FSTL4: variants seen among roughly 807,000 people sequenced by gnomAD.
FSTL4 encodes follistatin-related protein 4.
FSTL4 carries 28 observed loss-of-function variants against 78.2 expected under a neutral mutation model. That is an observed-to-expected ratio of 0.36 (90% CI 0.27 to 0.49). The LOEUF (loss-of-function observed/expected upper bound fraction) is 0.49, where lower values mean the gene tolerates loss of function less well. Among genes scored for constraint, FSTL4 ranks in the 20% least tolerant of loss-of-function variants. The pLI is 0.98. For missense variants in FSTL4, 922 were observed against 1,084.9 expected, an observed-to-expected ratio of 0.85 and a Z score of 2.11; for synonymous variants, 422 against 440.5, an observed-to-expected ratio of 0.96 and a Z score of 0.53.
At chr5:133,418,663 T>C (rs1305256551) in intron 3 of FSTL4, among the ~76,000 whole-genome samples, 2 of 152,222 alleles carry the variant, frequency 1.3e-5, no homozygotes, top group African/African-American at 2.4e-5. Flanking sequence ...AATAAGACCA[T>C]GTGGTACTTG....
the FSTL4 span, among the ~76,000 whole-genome samples, chr5:133,740,286 G>A: frequency 6.6e-6 from 1 of 152,174 alleles, no homozygotes; most frequent in African/African-American, 2.4e-5. Flanking sequence ...AACTCTAAGA[G>A]TGGGGCAGGC....
intron 12 of FSTL4, 69 bp downstream of exon 12, chr5:133,220,679 G>A (rs1158823917): frequency 3.5e-6 from 3 of 851,594 alleles, no homozygotes; most frequent in African/African-American, 1.7e-5. Context: ...TGGCATGCCT[G>A]GTTAAAGATA....
chr5:133,503,019 G>A (rs1758533326), intron 3 of FSTL4, among the ~76,000 whole-genome samples: 1 of 152,166 alleles, frequency 6.6e-6, no homozygotes. Context: ...CTATGTTTGT[G>A]GTAATTTGTT....
At chr5:133,302,703 A>G (rs1753572095) in intron 6 of FSTL4, among the ~76,000 whole-genome samples, 1 of 152,220 alleles carries the variant, frequency 6.6e-6, no homozygotes, top group Non-Finnish European at 1.5e-5. Context: ...CCCCTCAGCC[A>G]TCAGCTCACA....
intron 4 of FSTL4, among the ~76,000 whole-genome samples, chr5:133,335,006 A>G (rs77365484): frequency 0.015 from 2,209 of 152,262 alleles, 73 homozygotes; most frequent in African/African-American, 0.049. Flanking sequence ...GAGGTATCTA[A>G]AGGAGGCTTA....
chr5:133,364,859 T>C (rs1157855513), intron 4 of FSTL4, among the ~76,000 whole-genome samples: 3 of 152,210 alleles, frequency 2.0e-5, no homozygotes, highest in Non-Finnish European at 2.9e-5. Flanking sequence ...TTTCAGATTC[T>C]AGCATTCTTT....
intron 13 of FSTL4, among the ~76,000 whole-genome samples, chr5:133,215,313 T>C (rs1050425211): frequency 1.3e-5 from 2 of 152,218 alleles, no homozygotes; most frequent in African/African-American, 4.8e-5. Context: ...TCTCTGTCTA[T>C]ACCACCTCTT....
intron 4 of FSTL4, among the ~76,000 whole-genome samples, chr5:133,386,614 T>A (rs1755705862): frequency 6.6e-6 from 1 of 152,210 alleles, no homozygotes; most frequent in African/African-American, 2.4e-5. Context: ...AGTTTGTTCC[T>A]TTAAAATTGC....
chr5:133,288,580 C>A (rs778123213), intron 6 of FSTL4, among the ~76,000 whole-genome samples: 3 of 152,252 alleles, frequency 2.0e-5, no homozygotes, highest in Non-Finnish European at 4.4e-5. Context: ...ATGCTCAGAG[C>A]CCCCAGCAAG....
chr5:133,577,721 T>C (rs1760314296), intron 2 of FSTL4, among the ~76,000 whole-genome samples: 1 of 152,148 alleles, frequency 6.6e-6, no homozygotes, highest in African/African-American at 2.4e-5. Flanking sequence ...CTGGGCAACA[T>C]AGTGAAACCC....
chr5:133,474,466 G>C (rs1490803233), intron 3 of FSTL4, among the ~76,000 whole-genome samples: 4 of 152,208 alleles, frequency 2.6e-5, no homozygotes, highest in Non-Finnish European at 4.4e-5. Flanking sequence ...GAAATGCACA[G>C]GCCAGTGGAA....
chr5:133,552,874 A>C (rs1759716311), intron 3 of FSTL4, among the ~76,000 whole-genome samples: 3 of 152,200 alleles, frequency 2.0e-5, no homozygotes. Context: ...ATGAAGCCCT[A>C]ACAGTGGGTG....
the FSTL4 span, among the ~76,000 whole-genome samples, chr5:133,817,004 C>A: frequency 2.6e-3 from 393 of 152,340 alleles, 5 homozygotes; most frequent in Admixed American, 0.019. Flanking sequence ...CCACAGATAC[C>A]CAGGCCCAGG....
intron 12 of FSTL4, 38 bp downstream of exon 12, chr5:133,220,710 T>A (rs1325992573): frequency 1.0e-6 from 1 of 994,378 alleles, no homozygotes; most frequent in Non-Finnish European, 1.6e-6. Context: ...ATTTTGCCTG[T>A]GTATGATGTA....
At chr5:133,815,606 G>A in the FSTL4 span, among the ~76,000 whole-genome samples, 804 of 152,298 alleles carry the variant, frequency 5.3e-3, 8 homozygotes, top group African/African-American at 0.019. Context: ...AATTACCTGG[G>A]GGAATCTGGT....
chr5:133,510,529 G>A (rs1046044308), intron 3 of FSTL4, among the ~76,000 whole-genome samples: 2 of 152,044 alleles, frequency 1.3e-5, no homozygotes, highest in African/African-American at 4.8e-5. Flanking sequence ...ACCCAACAAT[G>A]TTCCCAGCCT....
chr5:133,352,067 T>G (rs1754833805), intron 4 of FSTL4, among the ~76,000 whole-genome samples: 1 of 151,788 alleles, frequency 6.6e-6, no homozygotes, highest in African/African-American at 2.4e-5. Flanking sequence ...TTTTTAGAAT[T>G]GGGGGGTACA....
chr5:133,334,433 C>T (rs894312066), intron 4 of FSTL4, among the ~76,000 whole-genome samples: 5 of 152,134 alleles, frequency 3.3e-5, no homozygotes, highest in Non-Finnish European at 7.4e-5. Flanking sequence ...TTTCAAAAGG[C>T]CACCTGAGTA....
chr5:133,763,206 T>C, the FSTL4 span, among the ~76,000 whole-genome samples: 98,726 of 152,136 alleles, frequency 0.65, 32,312 homozygotes, highest in African/African-American at 0.67. Flanking sequence ...ATAGCCCTTG[T>C]AGGTGTGTCT....
Sources: gnomAD v4.1 joint callset for allele counts (sites outside exome capture counted in the v4.1 genomes callset) on GRCh38, gnomAD v4.1.1 for gene constraint, MANE v1.5 for transcripts, NCBI Gene and HGNC (gene_info 2026-07-23, HGNC 2026-07-21) for gene names.